STXBP5L: variants seen among roughly 807,000 people sequenced by gnomAD.
STXBP5L encodes the protein syntaxin binding protein 5L, also known as syntaxin-binding protein 5-like.
In STXBP5L, 65 loss-of-function variants were observed where a neutral mutation model predicts 144.5. That is an observed-to-expected ratio of 0.45 (90% CI 0.37 to 0.55). The LOEUF (loss-of-function observed/expected upper bound fraction) is 0.55. STXBP5L is among the 20% of genes least tolerant of loss of function. The pLI is 0.00. For synonymous variants in STXBP5L, 505 were observed against 469.6 expected (o/e 1.08, Z -0.97); for missense variants, 1,298 against 1,405.5 (o/e 0.92, Z 1.22).
intron 20 of STXBP5L, among the ~76,000 whole-genome samples, chr3:121,362,534 A>G (rs994404919): frequency 2.0e-5 from 3 of 152,074 alleles, no homozygotes; most frequent in Non-Finnish European, 4.4e-5. Flanking sequence ...CATGAGAAGT[A>G]CTGTCATGCT....
In STXBP5L at chr3:121,093,637, C is replaced by A. The variant is rs1009689474; in HGVS notation, c.471-21288C>A. 4.6e-5 allele frequency among the ~76,000 whole-genome samples: 7 copies of A among 151,758 alleles called. No homozygotes were observed. In the East Asian group the frequency reaches 5.8e-4, roughly 13 times the overall value. On this transcript the variant is annotated intron_variant, in intron 5 of 26. Transcript: ENST00000471454. ...GGTGATATCCCCTTTATCATTTTTT[C>A]TTGCTTCTATTTGATTCTTCTCTCT...
intron 5 of STXBP5L, among the ~76,000 whole-genome samples, chr3:121,100,167 A>C (rs752986023): frequency 6.6e-6 from 1 of 152,174 alleles, no homozygotes; most frequent in Non-Finnish European, 1.5e-5. Context: ...TTAAAACCCC[A>C]TTGGCAGCGT....
intron 19 of STXBP5L, among the ~76,000 whole-genome samples, chr3:121,289,527 T>C (rs1224083817): frequency 6.6e-6 from 1 of 152,116 alleles, no homozygotes; most frequent in Non-Finnish European, 1.5e-5. Flanking sequence ...ACAATGGACT[T>C]AAACTATACC....
At chr3:120,976,921 A>G (rs1941104377) in intron 3 of STXBP5L, among the ~76,000 whole-genome samples, 1 of 151,754 alleles carries the variant, frequency 6.6e-6, no homozygotes, top group Admixed American at 6.6e-5. Context: ...AGTTTGTTAT[A>G]ATTTCTGTTC....
chr3:121,054,011 C>T (rs1948244937), intron 5 of STXBP5L, among the ~76,000 whole-genome samples: 1 of 152,104 alleles, frequency 6.6e-6, no homozygotes, highest in African/African-American at 2.4e-5. Context: ...CACTGGCCAT[C>T]AGAGAAATGC....
intron 20 of STXBP5L, among the ~76,000 whole-genome samples, chr3:121,333,481 G>T (rs761334452): frequency 3.3e-5 from 5 of 151,174 alleles, no homozygotes; most frequent in Non-Finnish European, 7.4e-5. Flanking sequence ...AGGACCAAGA[G>T]CAAACCAACC....
At position 121,343,258 on chromosome 3, in the gene STXBP5L, G is replaced by A. The variant is rs550422686; in HGVS notation, c.2176+24718G>A. Among the ~76,000 whole-genome samples the A allele has an allele frequency of 7.9e-5, 12 of 151,890 alleles. No homozygotes were observed. In the East Asian group the frequency reaches 1.2e-3, roughly 15 times the overall value. On this transcript the variant is annotated intron_variant, in intron 20 of 26. Coordinates refer to ENST00000471454, the MANE Select transcript of STXBP5L (RefSeq NM_001308330.2). ...CTGGATATTAGCCCTTTGTCAGATG[G>A]GTAGGTTGCGAAAATTTTCTCCCAT... is the stretch of plus-strand genomic sequence containing the variant.
intron 2 of STXBP5L, among the ~76,000 whole-genome samples, chr3:120,923,089 C>A (rs573732145): frequency 5.5e-4 from 84 of 151,946 alleles, no homozygotes; most frequent in Middle Eastern, 3.4e-3. Context: ...TTGTATGTGT[C>A]CATGAATTTA....
At chr3:121,331,975 C>A (rs898657430) in intron 20 of STXBP5L, among the ~76,000 whole-genome samples, 3 of 148,958 alleles carry the variant, frequency 2.0e-5, no homozygotes, top group Admixed American at 1.3e-4. Flanking sequence ...TTTCTATAAC[C>A]AAGAAACTCA....
intron 2 of STXBP5L, among the ~76,000 whole-genome samples, chr3:120,939,536 T>C (rs1710450359): frequency 6.6e-6 from 1 of 152,154 alleles, no homozygotes; most frequent in African/African-American, 2.4e-5. Flanking sequence ...CTAAAAGCTA[T>C]TCATATTTAT....
chr3:121,087,839 T>A (rs2042572253), intron 5 of STXBP5L, among the ~76,000 whole-genome samples: 1 of 152,082 alleles, frequency 6.6e-6, no homozygotes, highest in Non-Finnish European at 1.5e-5. Flanking sequence ...TTGTATCACT[T>A]TTTAAAGAGG....
At chr3:121,269,863 A>G (rs2050686616) in intron 18 of STXBP5L, among the ~76,000 whole-genome samples, 1 of 152,210 alleles carries the variant, frequency 6.6e-6, no homozygotes, top group Non-Finnish European at 1.5e-5. Flanking sequence ...CTAATGGAGA[A>G]TGGTCTACCA....
At chr3:121,112,349 T>C (rs1053782026) in intron 5 of STXBP5L, among the ~76,000 whole-genome samples, 2 of 152,264 alleles carry the variant, frequency 1.3e-5, no homozygotes, top group South Asian at 2.1e-4. Flanking sequence ...GTTTTCCTGG[T>C]GGTAGGTAGC....
Position 121,024,911 on chromosome 3 carries a change from T to C in STXBP5L, c.288-16789T>C, listed in dbSNP as rs189879163. Among the ~76,000 whole-genome samples, 57 of 152,304 alleles carry C rather than the reference T, an allele frequency of 3.7e-4. No homozygotes were observed. In the East Asian group the frequency reaches 5.6e-3, roughly 15 times the overall value. On this transcript the variant is annotated intron_variant, in intron 3 of 26. Transcript: ENST00000471454. ...CTATCATGCCCTGGTTTTTTGATCA[T>C]GAAAAATCACTTAATTTCTCAATGC...
At chr3:121,161,084 G>A (rs1211302064) in intron 9 of STXBP5L, among the ~76,000 whole-genome samples, 2 of 151,732 alleles carry the variant, frequency 1.3e-5, no homozygotes, top group East Asian at 1.9e-4. Context: ...TTAATTAAGA[G>A]GAAAAACAGT....
chr3:120,930,563 G>A (rs1709877023), intron 2 of STXBP5L, among the ~76,000 whole-genome samples: 1 of 151,954 alleles, frequency 6.6e-6, no homozygotes, highest in Non-Finnish European at 1.5e-5. Context: ...TCTTAAATAT[G>A]CTACTAATTT....
chr3:120,977,360 A>T (rs1941179794), intron 3 of STXBP5L, among the ~76,000 whole-genome samples: 1 of 152,066 alleles, frequency 6.6e-6, no homozygotes, highest in Non-Finnish European at 1.5e-5. Flanking sequence ...AGAGAGTAGG[A>T]TTGCAACCCC....
At chr3:121,335,018 T>C (rs1198664272) in intron 20 of STXBP5L, among the ~76,000 whole-genome samples, 2 of 152,080 alleles carry the variant, frequency 1.3e-5, no homozygotes, top group South Asian at 2.1e-4. Flanking sequence ...GTCAAACAAT[T>C]CCTGTTTGCA....
At chr3:121,343,119 G>C (rs2044791242) in intron 20 of STXBP5L, among the ~76,000 whole-genome samples, 1 of 152,066 alleles carries the variant, frequency 6.6e-6, no homozygotes, top group Admixed American at 6.6e-5. Context: ...ATTTTTTCCT[G>C]TGTTTTTTGG....
Sources: allele counts gnomAD v4.1 joint callset (sites outside exome capture counted in the v4.1 genomes callset), GRCh38; gene constraint gnomAD v4.1.1; transcripts MANE v1.5; gene names NCBI Gene and HGNC (gene_info 2026-07-23, HGNC 2026-07-21).